Variants in CNTNAP2 observed in about 807,000 individuals in gnomAD.
CNTNAP2 encodes contactin associated protein 2, also known as contactin-associated protein-like 2.
In CNTNAP2, 98 loss-of-function variants were observed where a neutral mutation model predicts 155.2. That is an observed-to-expected ratio of 0.63 (90% confidence interval 0.54 to 0.75). The LOEUF (loss-of-function observed/expected upper bound fraction) is 0.75, where lower values mean the gene tolerates loss of function less well. Ranked by LOEUF, CNTNAP2 falls within the 30% of genes least tolerant of loss-of-function variation. The probability of loss-of-function intolerance (pLI) is 0.00; values close to 1 mark genes in which losing one functional copy is unlikely to be tolerated. For missense variants in CNTNAP2, 1,727 were observed against 1,688.1 expected (o/e 1.02, Z -0.40); for synonymous variants, 651 against 631.2 (o/e 1.03, Z -0.47).
intron 10 of CNTNAP2, among the ~76,000 whole-genome samples, chr7:147,407,582 G>A (rs1797031331): frequency 6.7e-6 from 1 of 149,956 alleles, no homozygotes; most frequent in Non-Finnish European, 1.5e-5. Flanking sequence ...TGAAGGTCAA[G>A]GCCACTGGTA....
chr7:146,711,877 T>C (rs1290722531), intron 1 of CNTNAP2, among the ~76,000 whole-genome samples: 2 of 102,068 alleles, frequency 2.0e-5, no homozygotes, highest in South Asian at 2.6e-4. Context: ...GTATACAATA[T>C]AGTATACACA....
chr7:146,528,193 A>T (rs1025358829), intron 1 of CNTNAP2, among the ~76,000 whole-genome samples: 2 of 152,180 alleles, frequency 1.3e-5, no homozygotes, highest in Admixed American at 6.6e-5. Flanking sequence ...CCTGGAGAAG[A>T]CATGAACAGA....
At chr7:147,299,843 AG>A (rs1193455821) in intron 8 of CNTNAP2, among the ~76,000 whole-genome samples, 1 of 152,148 alleles carries the variant, frequency 6.6e-6, no homozygotes, top group Non-Finnish European at 1.5e-5. Context: ...GCACTTTGGG[AG>A]GCCGAGGTCA....
intron 1 of CNTNAP2, among the ~76,000 whole-genome samples, chr7:146,430,732 AT>A (rs929697812): frequency 4.6e-5 from 7 of 151,994 alleles, no homozygotes; most frequent in Admixed American, 6.6e-5. Context: ...AATTCTAATT[AT>A]TTTTCTACCA....
At chr7:146,122,512 A>G (rs1199287991) in intron 1 of CNTNAP2, among the ~76,000 whole-genome samples, 2 of 152,236 alleles carry the variant, frequency 1.3e-5, no homozygotes, top group African/African-American at 4.8e-5. Flanking sequence ...GAAATTGCCA[A>G]AAATAAGATT....
At chr7:146,932,233 T>A (rs1246370521) in intron 3 of CNTNAP2, among the ~76,000 whole-genome samples, 5 of 152,150 alleles carry the variant, frequency 3.3e-5, no homozygotes, top group Admixed American at 3.3e-4. Flanking sequence ...AAACAGCTTA[T>A]CACCTTGATC....
intron 1 of CNTNAP2, among the ~76,000 whole-genome samples, chr7:146,490,095 G>T (rs1270733646): frequency 6.6e-6 from 1 of 152,118 alleles, no homozygotes; most frequent in Admixed American, 6.5e-5. Context: ...ACTGCCTTTG[G>T]TTTGGAGGGG....
At chr7:147,564,557 G>A (rs1395430969) in intron 12 of CNTNAP2, among the ~76,000 whole-genome samples, 1 of 151,928 alleles carries the variant, frequency 6.6e-6, no homozygotes, top group Admixed American at 6.6e-5. Context: ...GGCTTGGACT[G>A]GACAATTAAG....
intron 13 of CNTNAP2, among the ~76,000 whole-genome samples, chr7:147,818,474 T>G (rs910429661): frequency 1.3e-5 from 2 of 152,186 alleles, no homozygotes; most frequent in African/African-American, 4.8e-5. Context: ...AGAAGACTGA[T>G]GTAATGAGTG....
At chr7:148,031,790 G>A (rs146194426) in intron 15 of CNTNAP2, among the ~76,000 whole-genome samples, 36 of 152,212 alleles carry the variant, frequency 2.4e-4, no homozygotes, top group Admixed American at 6.5e-4. Flanking sequence ...GCTGCACTCG[G>A]TCTCTCTGAA....
intron 13 of CNTNAP2, among the ~76,000 whole-genome samples, chr7:147,729,428 G>GCACACACACACGCA (rs1554427393): frequency 1.3e-5 from 2 of 149,212 alleles, no homozygotes; most frequent in Non-Finnish European, 3.0e-5. Flanking sequence ...ACACACACAC[G>GCACACACACACGCA]CACACACACA....
chr7:147,436,667 G>A (rs1797552510), intron 10 of CNTNAP2, among the ~76,000 whole-genome samples: 1 of 152,178 alleles, frequency 6.6e-6, no homozygotes, highest in Non-Finnish European at 1.5e-5. Flanking sequence ...GGGATGAAGA[G>A]TTTTTAAGAG....
intron 13 of CNTNAP2, among the ~76,000 whole-genome samples, chr7:147,771,207 T>C (rs894735950): frequency 3.3e-5 from 5 of 152,216 alleles, no homozygotes; most frequent in African/African-American, 1.2e-4. Context: ...AATTCTTGGT[T>C]GATGACAGAT....
intron 8 of CNTNAP2, among the ~76,000 whole-genome samples, chr7:147,289,359 A>G (rs1289857172): frequency 6.6e-6 from 1 of 152,130 alleles, no homozygotes; most frequent in Non-Finnish European, 1.5e-5. Flanking sequence ...CTTCCTATTC[A>G]TGACAACTTG....
chr7:146,973,888 G>A (rs1303269726), intron 3 of CNTNAP2, among the ~76,000 whole-genome samples: 2 of 152,086 alleles, frequency 1.3e-5, no homozygotes, highest in Non-Finnish European at 2.9e-5. Context: ...TTGCCACAAT[G>A]ATGACTTCAT....
At chr7:146,830,935 T>C (rs1350116379) in intron 2 of CNTNAP2, among the ~76,000 whole-genome samples, 2 of 152,202 alleles carry the variant, frequency 1.3e-5, no homozygotes, top group Admixed American at 1.3e-4. Flanking sequence ...GCACGATAAC[T>C]AGCCATTTTT....
chr7:146,317,044 A>T (rs1026502048), intron 1 of CNTNAP2, among the ~76,000 whole-genome samples: 1 of 152,226 alleles, frequency 6.6e-6, no homozygotes, highest in Admixed American at 6.5e-5. Flanking sequence ...ATAATACCAC[A>T]ACTTGGTACG....
intron 3 of CNTNAP2, among the ~76,000 whole-genome samples, chr7:146,850,482 G>A (rs547580755): frequency 2.6e-5 from 4 of 152,076 alleles, no homozygotes; most frequent in Non-Finnish European, 5.9e-5. Context: ...AACACTTATT[G>A]GGGGTTCCTT....
intron 15 of CNTNAP2, among the ~76,000 whole-genome samples, chr7:148,043,549 T>C (rs890728310): frequency 5.3e-5 from 8 of 152,232 alleles, no homozygotes; most frequent in African/African-American, 1.9e-4. Context: ...TTACAAAGGA[T>C]AAGAAATCTT....
Sources: gnomAD v4.1 joint callset for allele counts (sites outside exome capture counted in the v4.1 genomes callset) on GRCh38, gnomAD v4.1.1 for gene constraint, MANE v1.5 for transcripts, NCBI Gene and HGNC (gene_info 2026-07-23, HGNC 2026-07-21) for gene names.